NOL4L: variants seen among roughly 807,000 people sequenced by gnomAD.
NOL4L encodes nucleolar protein 4 like.
NOL4L carries 7 observed loss-of-function variants against 64.5 expected under a neutral mutation model. The ratio of observed to expected loss-of-function variants is 0.11; its 90% confidence interval spans 0.06 to 0.20. NOL4L has a LOEUF of 0.20. Ranked by LOEUF, NOL4L falls within the 10% of genes least tolerant of loss-of-function variation. NOL4L has a pLI of 1.00. For synonymous variants in NOL4L, 413 were observed against 401.0 expected, an observed-to-expected ratio of 1.03 and a Z score of -0.36; for missense variants, 680 against 967.1, an observed-to-expected ratio of 0.70 and a Z score of 3.94.
chr20:32,449,041 G>T (rs778355837), intron 10 of NOL4L, among the ~76,000 whole-genome samples: 65 of 152,352 alleles, frequency 4.3e-4, no homozygotes, highest in African/African-American at 1.4e-3. Flanking sequence ...GGCTTCCAAA[G>T]AGGTTTCAGG....
chr20:32,486,772 C>T lies in NOL4L; in HGVS notation c.700-12030G>A, dbSNP rs568153138. The T allele has an allele frequency of 8.5e-5, 40 of 471,298 alleles. 1 individual carries two copies. Among genetic ancestry groups the T allele is most frequent in the South Asian group, 5.9e-4 (38 of 64,576 alleles). The allele number at this position is 471,298 out of a possible 1,614,324, so 29.2% of individuals were successfully genotyped here. On this transcript the variant is annotated intron_variant, in intron 4 of 10. Transcript: ENST00000621426. The stretch of plus-strand genomic sequence containing the variant: ...CAGCCTCCAAAGTGGGGCCACCAGA[C>T]ATGATGTCCTCGGCTCCTGAAGGGA...
intron 1 of NOL4L, chr20:32,548,502 T>C (rs2018759611): frequency 1.3e-5 from 2 of 156,210 alleles, no homozygotes. Flanking sequence ...TCATGTGAAC[T>C]GAGATCTCTG....
At chr20:32,506,282 C>T (rs1321834961) in intron 4 of NOL4L, among the ~76,000 whole-genome samples, 1 of 152,048 alleles carries the variant, frequency 6.6e-6, no homozygotes, top group Non-Finnish European at 1.5e-5. Flanking sequence ...TGGCTCCAGC[C>T]TCCCCTGGCC....
intron 4 of NOL4L, among the ~76,000 whole-genome samples, chr20:32,487,371 C>G (rs2016134686): frequency 2.2e-5 from 2 of 91,838 alleles, no homozygotes; most frequent in Non-Finnish European, 4.4e-5. Flanking sequence ...GGGGGAGAGG[C>G]AGAGGATGGG....
chr20:32,538,247 C>G (rs1298359798), intron 1 of NOL4L, among the ~76,000 whole-genome samples: 1 of 152,174 alleles, frequency 6.6e-6, no homozygotes, highest in Non-Finnish European at 1.5e-5. Flanking sequence ...CTTTGGGGGG[C>G]AGGGAGGGTT....
intron 4 of NOL4L, among the ~76,000 whole-genome samples, chr20:32,497,608 A>G (rs2016745829): frequency 6.6e-6 from 1 of 152,220 alleles, no homozygotes; most frequent in Non-Finnish European, 1.5e-5. Context: ...CTTAGCCACA[A>G]GATCACGAAT....
At chr20:32,561,933 G>A (rs1179981355) in intron 1 of NOL4L, among the ~76,000 whole-genome samples, 1 of 152,178 alleles carries the variant, frequency 6.6e-6, no homozygotes, top group Admixed American at 6.5e-5. Flanking sequence ...AGGCTGCAAT[G>A]AGCCGTGGTC....
chr20:32,550,310 G>A (rs531099760), intron 1 of NOL4L, among the ~76,000 whole-genome samples: 5 of 152,300 alleles, frequency 3.3e-5, no homozygotes, highest in Non-Finnish European at 4.4e-5. Context: ...GCAATGGTGC[G>A]ATCTCAGCTC....
At chr20:32,458,544 C>CG (rs1175259541) in intron 5 of NOL4L, among the ~76,000 whole-genome samples, 1 of 152,328 alleles carries the variant, frequency 6.6e-6, no homozygotes, top group African/African-American at 2.4e-5. Flanking sequence ...GGAGCCTCCA[C>CG]GGGGGACAGG....
At chr20:32,501,078 T>C (rs745478130) in intron 4 of NOL4L, among the ~76,000 whole-genome samples, 9 of 152,048 alleles carry the variant, frequency 5.9e-5, no homozygotes, top group Admixed American at 2.0e-4. Context: ...AAGTGCACAG[T>C]GTGGAAAGAG....
chr20:32,553,759 G>A (rs749484427), intron 1 of NOL4L, among the ~76,000 whole-genome samples: 8 of 152,216 alleles, frequency 5.3e-5, no homozygotes, highest in Non-Finnish European at 8.8e-5. Context: ...CAGACCAGAG[G>A]AGGTTAAGGA....
intron 4 of NOL4L, among the ~76,000 whole-genome samples, chr20:32,509,161 A>G (rs779092058): frequency 1.3e-5 from 2 of 151,898 alleles, no homozygotes; most frequent in Non-Finnish European, 2.9e-5. Context: ...CACTTCCTCC[A>G]TTGTTTATCA....
chr20:32,581,799 C>G (rs1042880231), intron 1 of NOL4L, among the ~76,000 whole-genome samples: 4 of 152,136 alleles, frequency 2.6e-5, no homozygotes, highest in African/African-American at 9.7e-5. Context: ...ATGCTTTTGA[C>G]AAAGGTTTAT....
intron 1 of NOL4L, among the ~76,000 whole-genome samples, chr20:32,583,879 C>A: frequency 3.5e-4 from 1 of 2,844 alleles, no homozygotes; most frequent in African/African-American, 1.8e-3. Flanking sequence ...TAGGTCAGGC[C>A]TCCCCCGTCC....
chr20:32,471,046 G>A (rs988643211), intron 5 of NOL4L, among the ~76,000 whole-genome samples: 11 of 152,354 alleles, frequency 7.2e-5, no homozygotes, highest in Admixed American at 5.2e-4. Flanking sequence ...TGGGGAACTG[G>A]TGTAAAGAGG....
chr20:32,537,429 G>A (rs908656529), intron 1 of NOL4L, among the ~76,000 whole-genome samples: 3 of 152,224 alleles, frequency 2.0e-5, no homozygotes, highest in Admixed American at 2.0e-4. Flanking sequence ...TGTGTGCCAA[G>A]CACTCACGGC....
In NOL4L at chr20:32,464,061, G is replaced by A. The variant is rs1393769439; in HGVS notation, c.842-7666C>T. Among the ~76,000 whole-genome samples, 6 of 152,014 alleles carry A rather than the reference G, an allele frequency of 3.9e-5. No homozygotes were observed. Among genetic ancestry groups the A allele is most frequent in the East Asian group, 1.9e-4 (1 of 5,162 alleles). ...ATCAATAATTCACACACAACAGGGC[G>A]ACGGGGGAGGAGGGGGTGGGAGACT... On this transcript the variant is annotated intron_variant, in intron 5 of 10. Coordinates refer to ENST00000621426, the MANE Select transcript of NOL4L (RefSeq NM_001256798.2). The surrounding 1 kb of genome is among the most constrained non-coding windows in gnomAD (Gnocchi z 5.6).
Position 32,456,009 on chromosome 20 carries a change from T to C in NOL4L, c.1119+109A>G, listed in dbSNP as rs1220864517. 7.3e-6 allele frequency: 9 copies of C among 1,226,018 alleles called. No homozygotes were observed. The African/African-American group carries it at 1.4e-4, about 19-fold the overall frequency. The allele number at this position is 1,226,018 out of a possible 1,614,324, so 75.9% of individuals were successfully genotyped here. ...CCACAGCCACCACCCTGGCTCGGTG[T>C]CACACACATGGGCTGGCTCCAGCTA... On this transcript the variant is annotated intron_variant, in intron 6 of 10. Coordinates refer to ENST00000621426, the MANE Select transcript of NOL4L (RefSeq NM_001256798.2).
At chr20:32,578,417 C>G (rs1030682408) in intron 1 of NOL4L, among the ~76,000 whole-genome samples, 5 of 152,092 alleles carry the variant, frequency 3.3e-5, no homozygotes, top group Non-Finnish European at 1.5e-5. Context: ...ACAGAGTCTC[C>G]CTCTGTCACC....
Sources: gnomAD v4.1 joint callset for allele counts (sites outside exome capture counted in the v4.1 genomes callset) on GRCh38, gnomAD v4.1.1 for gene constraint, Gnocchi (gnomAD v3.1) non-coding constraint, MANE v1.5 for transcripts, NCBI Gene and HGNC (gene_info 2026-07-23, HGNC 2026-07-21) for gene names.